CR1: variants seen among roughly 807,000 people sequenced by gnomAD.
The protein encoded by CR1 is complement receptor type 1.
In CR1, 116 loss-of-function variants were observed where a neutral mutation model predicts 187.3. That is an observed-to-expected ratio of 0.62 (90% confidence interval 0.53 to 0.72). The LOEUF (loss-of-function observed/expected upper bound fraction) is 0.72, where lower values mean the gene tolerates loss of function less well. Ranked by LOEUF, CR1 falls within the 30% of genes least tolerant of loss-of-function variation. The pLI, the probability that CR1 is intolerant of heterozygous loss-of-function variation, is 0.00. For synonymous variants in CR1, 576 were observed against 747.1 expected (o/e 0.77, Z 3.73); for missense variants, 1,731 against 2,110.7 (o/e 0.82, Z 3.52).
chr1:207,584,947 T>C, intron 33 of CR1, 71 bp downstream of exon 33: 22 of 1,587,836 alleles, frequency 1.4e-5, no homozygotes, highest in Non-Finnish European at 1.6e-5. Flanking sequence ...GTTTCTGTAA[T>C]AAGACTATGG....
Position 207,564,262 on chromosome 1 carries a change from G to A in CR1, c.3866+28G>A, listed in dbSNP as rs1167372867. The A allele has an allele frequency of 2.5e-6, 4 of 1,580,622 alleles. No individual in the cohort carries two copies. The Admixed American group carries it at 5.3e-5, about 21-fold the overall frequency. On this transcript the variant is annotated intron_variant, in intron 23 of 46. Coordinates refer to ENST00000367049, the MANE Select transcript of CR1 (RefSeq NM_000651.6). Reference sequence around the variant, plus strand: ...GAGTATGAGCTTGCCTGACCTGCTGGACATTGAAATTGGGGTTGGGAATCA... The same window carrying A: ...GAGTATGAGCTTGCCTGACCTGCTGAACATTGAAATTGGGGTTGGGAATCA...
intron 35 of CR1, among the ~76,000 whole-genome samples, chr1:207,602,487 T>C (rs1012384789): frequency 2.0e-5 from 3 of 152,146 alleles, no homozygotes; most frequent in African/African-American, 4.8e-5. Flanking sequence ...AAACTTACAA[T>C]ATTAAAGAGT....
At chr1:207,514,205 T>G (rs1659714175) in intron 4 of CR1, among the ~76,000 whole-genome samples, 3 of 152,222 alleles carry the variant, frequency 2.0e-5, no homozygotes, top group Admixed American at 2.0e-4. Context: ...GTCATAATAT[T>G]TAATCATTTT....
At chr1:207,567,658 A>G (rs1464480827) in intron 24 of CR1, among the ~76,000 whole-genome samples, 166 bp from the exon 25 acceptor site, 1 of 150,420 alleles carries the variant, frequency 6.6e-6, no homozygotes, top group Non-Finnish European at 1.5e-5. Context: ...TGTACTTTGC[A>G]ATACATTTTC....
intron 31 of CR1, among the ~76,000 whole-genome samples, chr1:207,581,376 GTA>G (rs1389399469): frequency 2.3e-5 from 3 of 132,566 alleles, no homozygotes; most frequent in South Asian, 2.1e-4. Context: ...ATACGTATAT[GTA>G]TACATATGTA....
intron 36 of CR1, among the ~76,000 whole-genome samples, chr1:207,608,248 A>T (rs965100265): frequency 1.3e-5 from 2 of 152,198 alleles, no homozygotes; most frequent in Non-Finnish European, 2.9e-5. Flanking sequence ...AAAGTGCACC[A>T]GGAGGAATTA....
chr1:207,514,659 A>G (rs967098713), intron 4 of CR1, among the ~76,000 whole-genome samples: 2 of 152,148 alleles, frequency 1.3e-5, no homozygotes, highest in Admixed American at 6.6e-5. Flanking sequence ...AGACTAAGAC[A>G]TTGGGCAACC....
intron 35 of CR1, among the ~76,000 whole-genome samples, chr1:207,597,882 G>C (rs1440505230): frequency 6.6e-6 from 1 of 152,190 alleles, no homozygotes; most frequent in Non-Finnish European, 1.5e-5. Flanking sequence ...AAATGAAATG[G>C]AGCTTATCCA....
At chr1:207,595,046 T>A (rs553493166) in intron 35 of CR1, among the ~76,000 whole-genome samples, 1 of 151,650 alleles carries the variant, frequency 6.6e-6, no homozygotes, top group East Asian at 1.9e-4. Context: ...TAAGATTTAA[T>A]GATCTGATAT....
chr1:207,504,779 G>C (rs1281342213), intron 1 of CR1, among the ~76,000 whole-genome samples: 1 of 152,118 alleles, frequency 6.6e-6, no homozygotes, highest in Non-Finnish European at 1.5e-5. Context: ...TTAAAAAGGA[G>C]CCCATTTCTG....
At chr1:207,503,868 G>C (rs751937304) in intron 1 of CR1, among the ~76,000 whole-genome samples, 1 of 152,192 alleles carries the variant, frequency 6.6e-6, no homozygotes, top group African/African-American at 2.4e-5. Flanking sequence ...CGGTTTAGTA[G>C]CAAGTGCTTC....
chr1:207,516,519 A>G (rs1659812882), intron 4 of CR1, among the ~76,000 whole-genome samples: 2 of 152,346 alleles, frequency 1.3e-5, no homozygotes, highest in South Asian at 4.1e-4. Context: ...CAGCTTGTCA[A>G]TTTCCACATA....
chr1:207,612,562 C>T (rs1306641593), intron 39 of CR1, among the ~76,000 whole-genome samples: 4 of 152,216 alleles, frequency 2.6e-5, no homozygotes, highest in African/African-American at 9.6e-5. Context: ...GCCACTTTGC[C>T]AGCCAGTGAC....
chr1:207,627,039 A>G (rs1662501386), intron 45 of CR1, among the ~76,000 whole-genome samples: 1 of 152,180 alleles, frequency 6.6e-6, no homozygotes, highest in Admixed American at 6.5e-5. Flanking sequence ...ACTCCATCTG[A>G]AAAACATAAA....
At chr1:207,614,302 G>A (rs1208263856) in intron 39 of CR1, 102 bp from the exon 40 acceptor site, 12 of 872,710 alleles carry the variant, frequency 1.4e-5, no homozygotes, top group South Asian at 6.9e-5. Context: ...AATGATAGTC[G>A]AGGAGGAAAT....
Position 207,511,624 on chromosome 1 carries a change from AT to A in CR1, c.460del (p.Trp154GlyfsTer38). 1 of 1,613,302 alleles carries A rather than the reference AT, an allele frequency of 6.2e-7. No homozygotes were observed. Among genetic ancestry groups the A allele is most frequent in the Non-Finnish European group, 8.5e-7 (1 of 1,179,454 alleles). On this transcript the variant is annotated frameshift_variant, in exon 4 of 47. Transcript: ENST00000367049. LOFTEE classifies it high-confidence loss of function. The part of the protein sequence containing the change: ...ATCIISGDTV[I>X]WDNETPICDR... ...ATGCATCATCTCAGGTGATACTGTCATTTGGGATAATGAAACACCTATTTGT... is the reference window on the plus strand; with the variant it reads ...ATGCATCATCTCAGGTGATACTGTCATTGGGATAATGAAACACCTATTTGT...
intron 3 of CR1, among the ~76,000 whole-genome samples, chr1:207,510,456 G>A (rs973044673): frequency 5.3e-5 from 8 of 152,156 alleles, no homozygotes; most frequent in African/African-American, 1.7e-4. Context: ...AACCATGACT[G>A]TTATTTGACA....
intron 46 of CR1, among the ~76,000 whole-genome samples, chr1:207,633,319 T>TA (rs1444883099): frequency 1.4e-4 from 21 of 152,184 alleles, no homozygotes; most frequent in Admixed American, 3.9e-4. Context: ...GGGGAAAATA[T>TA]AAAAAATATA....
At chr1:207,520,950 ATTTTTTTTTTTTTGGTTGT>A (rs1243373756) in intron 4 of CR1, among the ~76,000 whole-genome samples, 1 of 64,938 alleles carries the variant, frequency 1.5e-5, no homozygotes, top group Non-Finnish European at 3.5e-5. Flanking sequence ...GGGTTTGCAC[ATTTTTTTTTTTTTGGTTGT>A]TTTTTTTTTT....
Sources: gnomAD v4.1 joint callset for allele counts (sites outside exome capture counted in the v4.1 genomes callset) on GRCh38, gnomAD v4.1.1 for gene constraint, MANE v1.5 for transcripts, NCBI Gene and HGNC (gene_info 2026-07-23, HGNC 2026-07-21) for gene names.